The following EBF2 variants were observed in gnomAD, a reference collection of about 807,000 sequenced individuals.
The protein encoded by EBF2 is transcription factor COE2.
Under a neutral mutation model 72.8 loss-of-function variants are expected in EBF2, and 21 were observed. The ratio of observed to expected loss-of-function variants is 0.29; its 90% CI spans 0.20 to 0.42. EBF2 has a LOEUF of 0.42. Ranked by LOEUF, EBF2 falls within the 10% of genes least tolerant of loss-of-function variation. The pLI is 1.00. For synonymous variants in EBF2, 299 were observed against 274.2 expected (o/e 1.09, Z -0.89); for missense variants, 637 against 731.2 (o/e 0.87, Z 1.49).
chr8:25,855,713 G>C (rs957267128), intron 14 of EBF2, among the ~76,000 whole-genome samples: 1 of 152,200 alleles, frequency 6.6e-6, no homozygotes, highest in Non-Finnish European at 1.5e-5. Context: ...CAGGTCAGGT[G>C]CTATTGTAAT....
chr8:26,005,557 T>TAGAGAGAGAGAG (rs1480763824), intron 6 of EBF2, among the ~76,000 whole-genome samples: 5,307 of 44,818 alleles, frequency 0.12, 324 homozygotes, highest in Non-Finnish European at 0.13. Flanking sequence ...TATATATATA[T>TAGAGAGAGAGAG]ATATAGAGAG....
At chr8:25,937,761 T>C (rs987072607) in intron 6 of EBF2, among the ~76,000 whole-genome samples, 74 of 152,332 alleles carry the variant, frequency 4.9e-4, no homozygotes, top group African/African-American at 1.6e-3. Context: ...TAAATAGTCA[T>C]GTAGTTACAT....
chr8:25,857,197 T>C (rs546552231), intron 14 of EBF2, among the ~76,000 whole-genome samples: 1 of 152,260 alleles, frequency 6.6e-6, no homozygotes, highest in South Asian at 2.1e-4. Flanking sequence ...AGATTTTCAT[T>C]GCACTAGAAG....
chr8:25,848,008 A>C (rs1424739792), intron 15 of EBF2, among the ~76,000 whole-genome samples: 4 of 151,944 alleles, frequency 2.6e-5, no homozygotes, highest in Admixed American at 6.6e-5. Context: ...CTGTACCCCC[A>C]AAATTAATGA....
chr8:26,012,230 C>T (rs1242192592), intron 6 of EBF2, among the ~76,000 whole-genome samples: 2 of 151,974 alleles, frequency 1.3e-5, no homozygotes, highest in Admixed American at 6.6e-5. Context: ...GTAGAACATA[C>T]GAGAGAGATT....
chr8:25,980,942 G>A (rs1286679623), intron 6 of EBF2, among the ~76,000 whole-genome samples: 2 of 142,656 alleles, frequency 1.4e-5, no homozygotes, highest in African/African-American at 4.9e-5. Flanking sequence ...ACCTGTCCTG[G>A]GGAAGGTGTA....
At chr8:26,020,116 A>C (rs1050926443) in intron 6 of EBF2, among the ~76,000 whole-genome samples, 3 of 152,218 alleles carry the variant, frequency 2.0e-5, no homozygotes, top group Admixed American at 6.5e-5. Flanking sequence ...CTCACTGTCT[A>C]GTTAATTTGC....
intron 6 of EBF2, among the ~76,000 whole-genome samples, chr8:25,991,267 T>C (rs1804541042): frequency 6.6e-6 from 1 of 152,210 alleles, no homozygotes. Flanking sequence ...TGAAGGCACG[T>C]AGGTGGGGGT....
In EBF2 at chr8:26,043,397, C is replaced by T. The variant is rs139765377; in HGVS notation, c.132-1146G>A. Among the ~76,000 whole-genome samples the T allele has an allele frequency of 2.7e-3, 412 of 152,332 alleles. 3 individuals are homozygous for T. Among genetic ancestry groups the T allele is most frequent in the African/African-American group, 9.2e-3 (383 of 41,580 alleles). ...CCAGCTTCAACAAACTTTTTGATCC[C>T]GGGAAGGAAGGAAAGCGAGGGAGGC... is the stretch of plus-strand genomic sequence containing the variant. On this transcript the variant is annotated intron_variant, in intron 1 of 15. Coordinates refer to ENST00000520164, the MANE Select transcript of EBF2 (RefSeq NM_022659.4).
At chr8:25,888,254 G>T (rs1412307587) in intron 8 of EBF2, among the ~76,000 whole-genome samples, 3 of 152,318 alleles carry the variant, frequency 2.0e-5, no homozygotes, top group Non-Finnish European at 2.9e-5. Flanking sequence ...ACCCGTATTT[G>T]GTTGAAGCCT....
At chr8:26,008,203 C>T (rs1298760587) in intron 6 of EBF2, among the ~76,000 whole-genome samples, 3 of 152,104 alleles carry the variant, frequency 2.0e-5, no homozygotes, top group Non-Finnish European at 4.4e-5. Context: ...AACCTCTCCT[C>T]GGCTATAAGT....
intron 6 of EBF2, among the ~76,000 whole-genome samples, chr8:26,030,267 T>C (rs1805376305): frequency 1.3e-5 from 2 of 152,230 alleles, no homozygotes; most frequent in Non-Finnish European, 2.9e-5. Context: ...TGTGTTCTCA[T>C]TGTTCAATTC....
intron 2 of EBF2, 66 bp downstream of exon 2, chr8:26,042,029 G>C: frequency 6.4e-7 from 1 of 1,568,652 alleles, no homozygotes; most frequent in Non-Finnish European, 8.7e-7. Context: ...GTGACAGATG[G>C]AATCTTTAGT....
chr8:26,040,571 G>A, intron 4 of EBF2, 45 bp downstream of exon 4: 1 of 1,540,096 alleles, frequency 6.5e-7, no homozygotes, highest in Non-Finnish European at 8.8e-7. Context: ...TTTGGGGGTC[G>A]GGGTCAGAGA....
chr8:25,985,531 T>C (rs1310609277), intron 6 of EBF2, among the ~76,000 whole-genome samples: 2 of 152,192 alleles, frequency 1.3e-5, no homozygotes, highest in East Asian at 3.8e-4. Context: ...TGGCCTTCGG[T>C]AAGTCACTTA....
At chr8:25,851,606 C>T (rs1801977038) in intron 14 of EBF2, among the ~76,000 whole-genome samples, 1 of 152,116 alleles carries the variant, frequency 6.6e-6, no homozygotes, top group East Asian at 1.9e-4. Flanking sequence ...CTAGAGTACA[C>T]AAGGGCAAAA....
intron 8 of EBF2, 56 bp downstream of exon 8, chr8:25,889,696 A>G (rs1159021982): frequency 1.4e-6 from 2 of 1,395,910 alleles, no homozygotes; most frequent in African/African-American, 2.8e-5. Context: ...AAGTTCGAAC[A>G]AGGAAATTCG....
chr8:25,956,036 C>A (rs889462878), intron 6 of EBF2, among the ~76,000 whole-genome samples: 1 of 152,034 alleles, frequency 6.6e-6, no homozygotes, highest in African/African-American at 2.4e-5. Flanking sequence ...TATGAATGTA[C>A]CTTTTGTCCC....
rs1460091549 is a variant in EBF2, at chr8:25,874,853, C to G, written c.1009+11902G>C. Reference sequence around the variant, plus strand: ...GCCCATGCCCCACCAGCCTGGCTAACTTTTTTTTTTTTTTTTTTTTTTTGG... The same window carrying G: ...GCCCATGCCCCACCAGCCTGGCTAAGTTTTTTTTTTTTTTTTTTTTTTTGG... On this transcript the variant is annotated intron_variant, in intron 10 of 15. Coordinates refer to ENST00000520164, the MANE Select transcript of EBF2 (RefSeq NM_022659.4). Among the ~76,000 whole-genome samples the G allele has an allele frequency of 4.0e-5, 4 of 99,558 alleles. 1 individual carries two copies. Among genetic ancestry groups the G allele is most frequent in the African/African-American group, 1.9e-4 (4 of 21,406 alleles). The allele number at this position is 99,558 out of a possible 152,430, so 65.3% of individuals were successfully genotyped here.
Sources: allele counts gnomAD v4.1 joint callset (sites outside exome capture counted in the v4.1 genomes callset), GRCh38; gene constraint gnomAD v4.1.1; transcripts MANE v1.5; gene names NCBI Gene and HGNC (gene_info 2026-07-23, HGNC 2026-07-21).